Variants in BANK1 observed in about 807,000 individuals in gnomAD.
BANK1 encodes B-cell scaffold protein with ankyrin repeats.
BANK1 carries 95 observed loss-of-function variants against 94.5 expected under a neutral mutation model. The observed-to-expected ratio is 1.00, with a 90% CI of 0.85 to 1.19. The LOEUF is 1.19. Ranked by LOEUF, BANK1 falls within the 50% of genes most tolerant of loss-of-function variation. BANK1 has a pLI of 0.00. For missense variants in BANK1, 987 were observed against 932.2 expected, an observed-to-expected ratio of 1.06 and a Z score of -0.77; for synonymous variants, 334 against 308.4, an observed-to-expected ratio of 1.08 and a Z score of -0.87.
intron 7 of BANK1, among the ~76,000 whole-genome samples, chr4:102,010,303 C>G (rs970167075): frequency 2.6e-5 from 4 of 151,768 alleles, no homozygotes; most frequent in African/African-American, 9.7e-5. Context: ...ACAAACAAAA[C>G]AATTGAAGTC....
intron 7 of BANK1, among the ~76,000 whole-genome samples, chr4:102,017,692 C>A (rs1276762693): frequency 6.6e-6 from 1 of 152,210 alleles, no homozygotes; most frequent in African/African-American, 2.4e-5. Flanking sequence ...GGGGATCAAA[C>A]CACAATTAGA....
intron 2 of BANK1, among the ~76,000 whole-genome samples, chr4:101,834,245 C>T (rs1331032673): frequency 6.6e-6 from 1 of 152,152 alleles, no homozygotes; most frequent in Non-Finnish European, 1.5e-5. Context: ...AAAACTCACA[C>T]CTTATAGACA....
Position 101,974,129 on chromosome 4 carries a change from A to G in BANK1, c.1207-47385A>G, listed in dbSNP as rs570074691. Among the ~76,000 whole-genome samples, 4 of 152,204 alleles carry G rather than the reference A, an allele frequency of 2.6e-5. No individual in the cohort carries two copies. The South Asian group carries it at 6.2e-4, about 24-fold the overall frequency. On this transcript the variant is annotated intron_variant, in intron 7 of 16. Transcript: ENST00000322953. The stretch of plus-strand genomic sequence containing the variant: ...ATGAATTTAAATAATAAATATTCCT[A>G]TTTAGAAATATTTAAATACTTTCTC...
intron 7 of BANK1, among the ~76,000 whole-genome samples, chr4:102,005,178 A>G (rs1420704120): frequency 1.3e-5 from 2 of 152,124 alleles, no homozygotes; most frequent in Admixed American, 6.5e-5. Flanking sequence ...TGTTCTTAAA[A>G]TGTTATCAAG....
intron 1 of BANK1, among the ~76,000 whole-genome samples, chr4:101,801,948 G>A (rs1259599069): frequency 6.6e-6 from 1 of 152,192 alleles, no homozygotes; most frequent in African/African-American, 2.4e-5. Flanking sequence ...ACACCAGTGC[G>A]TTCCTCTTGA....
intron 7 of BANK1, among the ~76,000 whole-genome samples, chr4:102,014,192 C>T (rs1326595931): frequency 6.6e-6 from 1 of 152,070 alleles, no homozygotes; most frequent in Non-Finnish European, 1.5e-5. Context: ...AATTGAGATA[C>T]GTCTAATACT....
intron 6 of BANK1, among the ~76,000 whole-genome samples, chr4:101,905,270 C>G (rs1336017897): frequency 6.6e-6 from 1 of 152,178 alleles, no homozygotes; most frequent in African/African-American, 2.4e-5. Flanking sequence ...CTGTTGGGAC[C>G]TTTTGCGGGG....
intron 1 of BANK1, 52 bp downstream of exon 1, chr4:101,791,002 C>G (rs906704024): frequency 7.2e-7 from 1 of 1,389,716 alleles, no homozygotes; most frequent in Non-Finnish European, 9.5e-7. Flanking sequence ...GGCTACGGGG[C>G]TCTGCGGAGA....
intron 5 of BANK1, among the ~76,000 whole-genome samples, chr4:101,884,552 T>C (rs1728780803): frequency 6.6e-6 from 1 of 152,194 alleles, no homozygotes; most frequent in Admixed American, 6.5e-5. Flanking sequence ...ATCTCATTGG[T>C]TCTTAAGATA....
intron 5 of BANK1, among the ~76,000 whole-genome samples, chr4:101,894,980 G>A (rs1722011643): frequency 1.3e-5 from 2 of 151,500 alleles, no homozygotes; most frequent in South Asian, 4.2e-4. Context: ...CAAATTTCAT[G>A]GTTATCCTTG....
At chr4:101,993,545 C>T (rs1479752970) in intron 7 of BANK1, among the ~76,000 whole-genome samples, 1 of 152,142 alleles carries the variant, frequency 6.6e-6, no homozygotes, top group Admixed American at 6.6e-5. Flanking sequence ...GCTGACCAAG[C>T]ATATTTCCTT....
At chr4:101,883,126 C>A (rs1728736758) in intron 5 of BANK1, among the ~76,000 whole-genome samples, 1 of 152,128 alleles carries the variant, frequency 6.6e-6, no homozygotes, top group East Asian at 1.9e-4. Context: ...AGTGACATTT[C>A]TTTTGTGCTG....
chr4:101,870,480 C>G, intron 4 of BANK1, 25 bp from the exon 5 acceptor site: 1 of 1,603,768 alleles, frequency 6.2e-7, no homozygotes, highest in Non-Finnish European at 8.5e-7. Flanking sequence ...TACTCTGCCC[C>G]TAACCCTTGT....
In BANK1 at chr4:101,790,842, G is replaced by A. The variant is rs1724950925; in HGVS notation, c.-39G>A. The A allele has an allele frequency of 2.0e-6, 3 of 1,531,812 alleles. No homozygotes were observed. The highest frequency in any genetic ancestry group is 2.5e-5 in the East Asian group (1 of 40,690). The allele number at this position is 1,531,812 out of a possible 1,614,324, so 94.9% of individuals were successfully genotyped here. A position where few individuals can be genotyped will look rare whatever the true frequency, so the allele number is the denominator to read the frequency against. ...CGGGAGAGTCCAGGTAGCGCTCGGC[G>A]GGCAGCAGTGCGCAGGCCCCTCGGC... On this transcript the variant is annotated 5_prime_UTR_variant, in exon 1 of 17. Transcript: ENST00000322953.
At chr4:101,900,802 A>G (rs1362025439) in intron 6 of BANK1, among the ~76,000 whole-genome samples, 1 of 152,174 alleles carries the variant, frequency 6.6e-6, no homozygotes, top group Admixed American at 6.5e-5. Flanking sequence ...GGTATTAAGT[A>G]TATAAGTCAA....
At chr4:102,048,729 T>C (rs1727958992) in intron 11 of BANK1, among the ~76,000 whole-genome samples, 1 of 152,210 alleles carries the variant, frequency 6.6e-6, no homozygotes, top group South Asian at 2.1e-4. Flanking sequence ...TGTTTTCCCA[T>C]TGAAAGTATA....
Position 101,917,999 on chromosome 4 carries a change from A to T in BANK1, c.1016A>T (p.His339Leu). The change falls in exon 7 of 17, where the codon CAT becomes CTT. Residue 339 changes from histidine to leucine, a missense_variant. His to Leu is a moderately conservative substitution (Grantham distance 99). Coordinates refer to ENST00000322953, the MANE Select transcript of BANK1 (RefSeq NM_017935.5). ...CTACTTCTTATGCTTACAGATACTC[A>T]TTTCAAAGAACTTCCAACTCTTCTC... ...TEICSQNKYTHFKELPTLLHC... is the reference protein window; with the variant it reads ...TEICSQNKYTLFKELPTLLHC... 6.2e-7 allele frequency: 1 copy of T among 1,603,352 alleles called. No individual in the cohort carries two copies. The highest frequency in any genetic ancestry group is 8.5e-7 in the Non-Finnish European group (1 of 1,172,420).
rs1369400123 is a variant in BANK1, at chr4:102,030,227, T to C, written c.1862T>C (p.Ile621Thr). The part of the protein sequence containing the change: ...PPAPTPRPTS[I>T]PPKEETTPYI... Reference sequence around the variant, plus strand: ...GCCCCCACACCCCGACCCACAAGTATACCTCCAAAAGAGGAAACTACACCT... The same window carrying C: ...GCCCCCACACCCCGACCCACAAGTACACCTCCAAAAGAGGAAACTACACCT... Residue 621 changes from isoleucine to threonine, a missense_variant, in exon 10 of 17, where the codon ATA becomes ACA. Physicochemically the swap from Ile to Thr is moderately conservative, Grantham distance 89 (BLOSUM62 -1). Transcript: ENST00000322953. 6.2e-7 allele frequency: 1 copy of C among 1,607,266 alleles called. No homozygotes were observed.
At chr4:101,995,390 G>C (rs1725842274) in intron 7 of BANK1, among the ~76,000 whole-genome samples, 1 of 152,108 alleles carries the variant, frequency 6.6e-6, no homozygotes, top group Non-Finnish European at 1.5e-5. Context: ...ATTATAAATA[G>C]TGCTGCAATA....
Sources: gnomAD v4.1 joint callset for allele counts (sites outside exome capture counted in the v4.1 genomes callset) on GRCh38, gnomAD v4.1.1 for gene constraint, MANE v1.5 for transcripts, NCBI Gene and HGNC (gene_info 2026-07-23, HGNC 2026-07-21) for gene names.